ITGA1: variants seen among roughly 807,000 people sequenced by gnomAD.
ITGA1 encodes integrin alpha-1.
In ITGA1, 85 loss-of-function variants were observed where a neutral mutation model predicts 145.9. That is an observed-to-expected ratio of 0.58 (90% CI 0.49 to 0.70). The LOEUF is 0.70. Among genes scored for constraint, ITGA1 ranks in the 30% least tolerant of loss-of-function variants. ITGA1 has a pLI of 0.00. For missense variants in ITGA1, 1,351 were observed against 1,418.7 expected (o/e 0.95, Z 0.77); for synonymous variants, 520 against 495.3 (o/e 1.05, Z -0.66).
chr5:52,818,605 G>T (rs1185719143), intron 1 of ITGA1, among the ~76,000 whole-genome samples: 1 of 152,144 alleles, frequency 6.6e-6, no homozygotes, highest in Non-Finnish European at 1.5e-5. Context: ...GTTTTTGGGT[G>T]ATTCTTTTTC....
intron 9 of ITGA1, among the ~76,000 whole-genome samples, chr5:52,896,750 T>C (rs994077292): frequency 1.4e-4 from 21 of 152,152 alleles, no homozygotes; most frequent in African/African-American, 5.1e-4. Context: ...AGTAGCAGAC[T>C]GCCATGGAAT....
chr5:52,853,545 G>A (rs1749459769), intron 2 of ITGA1, among the ~76,000 whole-genome samples: 2 of 152,174 alleles, frequency 1.3e-5, no homozygotes, highest in Non-Finnish European at 2.9e-5. Flanking sequence ...GCCTATAGAA[G>A]GAGCACTTGT....
At chr5:52,880,147 A>G (rs933982187) in intron 6 of ITGA1, among the ~76,000 whole-genome samples, 1 of 152,154 alleles carries the variant, frequency 6.6e-6, no homozygotes, top group Non-Finnish European at 1.5e-5. Context: ...TTTTACTGAG[A>G]GGAAATAGGG....
chr5:52,878,694 A>T (rs571168969), intron 6 of ITGA1, among the ~76,000 whole-genome samples: 1 of 152,328 alleles, frequency 6.6e-6, no homozygotes, highest in African/African-American at 2.4e-5. Context: ...AGTAAAAAAT[A>T]GTTGTAGTGT....
chr5:52,844,379 T>C (rs1017981279), intron 1 of ITGA1, among the ~76,000 whole-genome samples: 1 of 152,216 alleles, frequency 6.6e-6, no homozygotes, highest in African/African-American at 2.4e-5. Context: ...CAGACTAATA[T>C]GTGGCTGTCT....
intron 21 of ITGA1, among the ~76,000 whole-genome samples, chr5:52,929,942 A>G (rs1222077433): frequency 6.6e-6 from 1 of 152,212 alleles, no homozygotes; most frequent in African/African-American, 2.4e-5. Context: ...TCTATGAGCT[A>G]TAGAAGATAC....
chr5:52,939,623 C>T lies in ITGA1; in HGVS notation c.3112C>T (p.Pro1038Ser). 1.9e-6 allele frequency: 3 copies of T among 1,612,924 alleles called. No individual in the cohort carries two copies. Among genetic ancestry groups the T allele is most frequent in the Non-Finnish European group, 1.7e-6 (2 of 1,179,038 alleles). ...ANCRPHIFED[P>S]FSINSGKKMT... ...CTGCAGACCCCATATCTTTGAGGAT[C>T]CTTTCAGTATCAACTCTGGAAAGAA... Residue 1038 changes from proline (P) to serine (S), a missense_variant, in exon 25 of 29, where the codon CCT becomes TCT. By Grantham distance (74) the Pro-to-Ser change is moderately conservative. Transcript: ENST00000282588.
Position 52,922,841 on chromosome 5 carries a change from A to G in ITGA1, c.2357A>G (p.Asn786Ser), listed in dbSNP as rs1579722230. 1 of 1,613,364 alleles carries G rather than the reference A, an allele frequency of 6.2e-7. No homozygotes were observed. Among genetic ancestry groups the G allele is most frequent in the East Asian group, 2.2e-5 (1 of 44,876 alleles). The change falls in exon 18 of 29, where the codon AAT becomes AGT. Residue 786 changes from asparagine to serine, a missense_variant. By Grantham distance (46) the Asn-to-Ser change is conservative. Transcript: ENST00000282588. ...GACTTTAATCTTACCGATCCAGAAA[A>G]TGGGCCTGTTCTTGATGATTCTCTA... ...TLDFNLTDPE[N>S]GPVLDDSLPN...
chr5:52,822,486 G>A (rs1208555528), intron 1 of ITGA1, among the ~76,000 whole-genome samples: 3 of 152,194 alleles, frequency 2.0e-5, no homozygotes, highest in Non-Finnish European at 4.4e-5. Context: ...AACTCATAGA[G>A]GCATCTGCAT....
intron 1 of ITGA1, among the ~76,000 whole-genome samples, chr5:52,846,144 T>A (rs899921654): frequency 6.6e-6 from 1 of 152,170 alleles, no homozygotes; most frequent in Non-Finnish European, 1.5e-5. Flanking sequence ...CTCACACCTG[T>A]AATCCCAGCA....
chr5:52,855,803 G>A (rs79593550), intron 2 of ITGA1, among the ~76,000 whole-genome samples: 8 of 152,184 alleles, frequency 5.3e-5, no homozygotes, highest in Non-Finnish European at 1.2e-4. Context: ...TAAGATACAC[G>A]TACTTTCAAG....
At chr5:52,895,929 T>G (rs370988152) in intron 9 of ITGA1, among the ~76,000 whole-genome samples, 1 of 152,196 alleles carries the variant, frequency 6.6e-6, no homozygotes, top group African/African-American at 2.4e-5. Flanking sequence ...CCATTTCCTG[T>G]CAACATGTAT....
At chr5:52,916,113 T>C (rs1330289197) in intron 15 of ITGA1, among the ~76,000 whole-genome samples, 2 of 152,154 alleles carry the variant, frequency 1.3e-5, no homozygotes, top group East Asian at 3.9e-4. Context: ...GATACATACA[T>C]TCATAATGCT....
chr5:52,882,497 T>C (rs886512021), intron 7 of ITGA1, among the ~76,000 whole-genome samples: 4 of 151,990 alleles, frequency 2.6e-5, no homozygotes, highest in Admixed American at 2.6e-4. Flanking sequence ...AAATTAAATA[T>C]TGTCTATTTA....
intron 6 of ITGA1, among the ~76,000 whole-genome samples, chr5:52,874,330 T>TTTTGCCTC (rs1193767440): frequency 6.6e-6 from 1 of 151,466 alleles, no homozygotes; most frequent in Non-Finnish European, 1.5e-5. Context: ...TGACTCCTCT[T>TTTTGCCTC]TTTGCCTCTT....
At chr5:52,793,441 A>C (rs1748280649) in intron 1 of ITGA1, among the ~76,000 whole-genome samples, 1 of 152,014 alleles carries the variant, frequency 6.6e-6, no homozygotes, top group Non-Finnish European at 1.5e-5. Flanking sequence ...TGAAAGATGC[A>C]CCATTATTTT....
intron 1 of ITGA1, among the ~76,000 whole-genome samples, chr5:52,848,915 T>C (rs1749381797): frequency 6.6e-6 from 1 of 152,152 alleles, no homozygotes; most frequent in South Asian, 2.1e-4. Flanking sequence ...ACTCATCCTT[T>C]TTTATGGCTG....
chr5:52,872,338 T>C lies in ITGA1; in HGVS notation c.624+6521T>C, dbSNP rs1285657103. Among the ~76,000 whole-genome samples, 3 of 152,154 alleles carry C rather than the reference T, an allele frequency of 2.0e-5. No individual in the cohort carries two copies. The East Asian group carries it at 5.8e-4, about 29-fold the overall frequency. On this transcript the variant is annotated intron_variant, in intron 6 of 28. Coordinates refer to ENST00000282588, the MANE Select transcript of ITGA1 (RefSeq NM_181501.2). ...TGTGGGGTAGGGAATGGGGTGAATC[T>C]TCTCTCTCACTAGCCTCTAGTCTCC...
intron 1 of ITGA1, among the ~76,000 whole-genome samples, chr5:52,848,418 TAGTC>T (rs1481703398): frequency 6.6e-6 from 1 of 152,204 alleles, no homozygotes; most frequent in Admixed American, 6.5e-5. Flanking sequence ...GCAACTGTAT[TAGTC>T]ATATATGAAT....
Sources: allele counts gnomAD v4.1 joint callset (sites outside exome capture counted in the v4.1 genomes callset), GRCh38; gene constraint gnomAD v4.1.1; transcripts MANE v1.5; gene names NCBI Gene and HGNC (gene_info 2026-07-23, HGNC 2026-07-21).